Variants in KSR1 observed in about 807,000 individuals in gnomAD.
The protein encoded by KSR1 is kinase suppressor of ras 1.
In KSR1, 35 loss-of-function variants were observed where a neutral mutation model predicts 92.9. The ratio of observed to expected loss-of-function variants is 0.38; its 90% confidence interval spans 0.29 to 0.50. The LOEUF (loss-of-function observed/expected upper bound fraction) is 0.50, where lower values mean the gene tolerates loss of function less well. Ranked by LOEUF, KSR1 falls within the 20% of genes least tolerant of loss-of-function variation. The pLI is 0.94. For missense variants in KSR1, 972 were observed against 1,158.5 expected, an observed-to-expected ratio of 0.84 and a Z score of 2.34; for synonymous variants, 467 against 472.6, an observed-to-expected ratio of 0.99 and a Z score of 0.15.
At position 27,592,580 on chromosome 17, in the gene KSR1, C is replaced by T. The variant is rs1165097174; in HGVS notation, c.1253C>T (p.Ala418Val). The change falls in exon 9 of 21, where the codon GCA (alanine) becomes GTA (valine). Residue 418 changes from alanine to valine, a missense_variant. Physicochemically the swap from Ala to Val is moderately conservative, Grantham distance 64 (BLOSUM62 0). Transcript: ENST00000644974. ...GACATCAACAACCCGGTGGACAGAG[C>T]AGCCGAACCCCATTTTGGAACCCTC... ...PSDINNPVDR[A>V]AEPHFGTLPK... 6.2e-7 allele frequency: 1 copy of T among 1,613,976 alleles called. No individual in the cohort carries two copies. Among genetic ancestry groups the T allele is most frequent in the Non-Finnish European group, 8.5e-7 (1 of 1,179,890 alleles).
In KSR1 at chr17:27,608,984, G is replaced by C. The variant is rs143330929; in HGVS notation, c.2092-212G>C. On this transcript the variant is annotated intron_variant, in intron 15 of 20. Coordinates refer to ENST00000644974, the MANE Select transcript of KSR1 (RefSeq NM_001394583.1). Reference sequence around the variant, plus strand: ...CATTAAAAGAGCATAGACCGGTCTGGGATCAGATCTCAGCTCTGCTTCTTC... The same window carrying C: ...CATTAAAAGAGCATAGACCGGTCTGCGATCAGATCTCAGCTCTGCTTCTTC... Among the ~76,000 whole-genome samples the C allele has an allele frequency of 4.8e-3, 737 of 152,308 alleles. 5 individuals carry two copies. Among genetic ancestry groups the C allele is most frequent in the African/African-American group, 0.017 (718 of 41,556 alleles).
rs937220364 is a variant in KSR1 at position 27,559,587 on chromosome 17, G to A, written c.372+8879G>A. 3.9e-5 allele frequency among the ~76,000 whole-genome samples: 6 copies of A among 152,368 alleles called. No homozygotes were observed. In the South Asian group the frequency reaches 8.3e-4, roughly 21 times the overall value. On this transcript the variant is annotated intron_variant, in intron 2 of 20. Transcript: ENST00000644974. The surrounding 1 kb of genome is among the most constrained non-coding windows in gnomAD (Gnocchi z 4.2). ...TGCATTGACCAGGGCCCTGTGGTGAGAGCTGGGATGCTGAAGACACCTTCC... is the reference window on the plus strand; with the variant it reads ...TGCATTGACCAGGGCCCTGTGGTGAAAGCTGGGATGCTGAAGACACCTTCC...
intron 1 of KSR1, among the ~76,000 whole-genome samples, chr17:27,529,953 CTGTG>C (rs2070467915): frequency 6.6e-6 from 1 of 152,166 alleles, no homozygotes; most frequent in Non-Finnish European, 1.5e-5. Flanking sequence ...TCATTCATTT[CTGTG>C]TTGTTTGCAG....
chr17:27,543,746 G>A (rs540414662), intron 1 of KSR1, among the ~76,000 whole-genome samples: 4 of 152,174 alleles, frequency 2.6e-5, no homozygotes, highest in Admixed American at 6.5e-5. Context: ...TTTCATTCCC[G>A]TCACATCCTC....
chr17:27,615,596 A>C (rs1370965472), intron 18 of KSR1, among the ~76,000 whole-genome samples: 2 of 152,150 alleles, frequency 1.3e-5, no homozygotes, highest in African/African-American at 4.8e-5. Flanking sequence ...CCTAAATGGA[A>C]TCTGTTACAT....
intron 14 of KSR1, among the ~76,000 whole-genome samples, chr17:27,607,098 C>G (rs138356757): frequency 4.6e-5 from 7 of 152,148 alleles, no homozygotes; most frequent in African/African-American, 1.7e-4. Flanking sequence ...TCCCAAAGTG[C>G]TGAGATTACA....
intron 1 of KSR1, among the ~76,000 whole-genome samples, chr17:27,534,714 A>T (rs2070694911): frequency 6.6e-6 from 1 of 152,208 alleles, no homozygotes; most frequent in Non-Finnish European, 1.5e-5. Flanking sequence ...GTCCAGTTAC[A>T]GCTGTGTTGC....
chr17:27,531,058 T>G (rs2070516249), intron 1 of KSR1, among the ~76,000 whole-genome samples: 1 of 152,252 alleles, frequency 6.6e-6, no homozygotes, highest in Admixed American at 6.5e-5. Context: ...GACAAGTTTG[T>G]GCTGGGCGTT....
At chr17:27,523,838 A>G (rs1185913980) in intron 1 of KSR1, among the ~76,000 whole-genome samples, 2 of 152,202 alleles carry the variant, frequency 1.3e-5, no homozygotes, top group Admixed American at 1.3e-4. Context: ...TGTCATGTAT[A>G]TATTCCTTTT....
chr17:27,592,683 A>C, intron 9 of KSR1, 57 bp downstream of exon 9: 2 of 1,417,680 alleles, frequency 1.4e-6, no homozygotes, highest in Non-Finnish European at 1.9e-6. Context: ...CCTTCCTATA[A>C]AGCACCCCTG....
At chr17:27,479,866 C>T (rs913836145) in intron 1 of KSR1, among the ~76,000 whole-genome samples, 1 of 152,098 alleles carries the variant, frequency 6.6e-6, no homozygotes, top group African/African-American at 2.4e-5. Flanking sequence ...CGGCACCACA[C>T]AGACATTAGA....
chr17:27,532,842 G>A (rs1387274466), intron 1 of KSR1, among the ~76,000 whole-genome samples: 1 of 152,182 alleles, frequency 6.6e-6, no homozygotes, highest in Non-Finnish European at 1.5e-5. Context: ...ATCACTGCTG[G>A]TGGAGCACAG....
intron 2 of KSR1, among the ~76,000 whole-genome samples, chr17:27,556,261 C>T (rs2071591546): frequency 6.6e-6 from 1 of 152,216 alleles, no homozygotes; most frequent in Non-Finnish European, 1.5e-5. Context: ...GTTGCCCAGG[C>T]TGGAGTGCAG....
intron 1 of KSR1, among the ~76,000 whole-genome samples, chr17:27,546,088 C>T (rs2071162352): frequency 6.6e-6 from 1 of 152,158 alleles, no homozygotes; most frequent in African/African-American, 2.4e-5. Flanking sequence ...ATAGTCCTGT[C>T]TCTGGTCAGC....
intron 1 of KSR1, among the ~76,000 whole-genome samples, chr17:27,471,128 C>T (rs2019976429): frequency 6.6e-6 from 1 of 152,142 alleles, no homozygotes; most frequent in Non-Finnish European, 1.5e-5. Context: ...CTTGGCCTCC[C>T]AAAGTGCTGT....
intron 9 of KSR1, among the ~76,000 whole-genome samples, chr17:27,594,409 A>G (rs1215682686): frequency 6.6e-6 from 1 of 151,310 alleles, no homozygotes; most frequent in Non-Finnish European, 1.5e-5. Context: ...CACACCCCCC[A>G]TGCCTGTGGG....
rs763520036 is a variant in KSR1 at position 27,604,753 on chromosome 17, C to A, written c.1614+25C>A. 18 of 1,612,144 alleles carry A rather than the reference C, an allele frequency of 1.1e-5. No individual in the cohort carries two copies. The Admixed American group carries it at 3.0e-4, about 27-fold the overall frequency. ...GGTGAGGGTGACACACACGTGTCCACAGATGGCCCCCCCTCTTTTTTCCCT... is the reference window on the plus strand; with the variant it reads ...GGTGAGGGTGACACACACGTGTCCAAAGATGGCCCCCCCTCTTTTTTCCCT... On this transcript the variant is annotated intron_variant, in intron 13 of 20. Coordinates refer to ENST00000644974, the MANE Select transcript of KSR1 (RefSeq NM_001394583.1).
chr17:27,467,821 T>TG (rs1228441466), intron 1 of KSR1, among the ~76,000 whole-genome samples: 5 of 151,670 alleles, frequency 3.3e-5, no homozygotes, highest in Non-Finnish European at 5.9e-5. Context: ...TTGTTTTTTT[T>TG]TTTTTTTGAG....
chr17:27,577,900 C>T lies in KSR1; in HGVS notation c.520+261C>T, dbSNP rs1354789459. ...TCCCAGGCCTGTCTGCTGGGCTGGG[C>T]TGGCCTGGCATGGTTTCCTCTCTGT... On this transcript the variant is annotated intron_variant, in intron 3 of 20. Coordinates refer to ENST00000644974, the MANE Select transcript of KSR1 (RefSeq NM_001394583.1). The surrounding 1 kb of genome is among the most constrained non-coding windows in gnomAD (Gnocchi z 4.5). 1 of 605,774 alleles carries T rather than the reference C, an allele frequency of 1.7e-6. No individual in the cohort carries two copies. The highest frequency in any genetic ancestry group is 1.8e-5 in the South Asian group (1 of 56,142). 37.5% of individuals were successfully genotyped at this position (605,774 alleles called of 1,614,324 possible).
Sources: allele counts gnomAD v4.1 joint callset (sites outside exome capture counted in the v4.1 genomes callset), GRCh38; gene constraint gnomAD v4.1.1; non-coding constraint Gnocchi (gnomAD v3.1); transcripts MANE v1.5; gene names NCBI Gene and HGNC (gene_info 2026-07-23, HGNC 2026-07-21).